CACNA2D3: variants seen among roughly 807,000 people sequenced by gnomAD.
CACNA2D3 encodes the protein calcium voltage-gated channel auxiliary subunit alpha2delta 3, also known as voltage-dependent calcium channel subunit alpha-2/delta-3.
A neutral mutation model predicts 160.6 loss-of-function variants in CACNA2D3; 60 were observed. The observed-to-expected ratio is 0.37, with a 90% CI of 0.30 to 0.46. The LOEUF (loss-of-function observed/expected upper bound fraction) is 0.46, where lower values mean the gene tolerates loss of function less well. Ranked by LOEUF, CACNA2D3 falls within the 20% of genes least tolerant of loss-of-function variation. The pLI is 1.00. For missense variants in CACNA2D3, 1,205 were observed against 1,365.0 expected (o/e 0.88, Z 1.85); for synonymous variants, 558 against 492.9 (o/e 1.13, Z -1.75).
intron 4 of CACNA2D3, among the ~76,000 whole-genome samples, chr3:54,442,650 T>A (rs910771738): frequency 2.6e-5 from 4 of 152,194 alleles, no homozygotes; most frequent in African/African-American, 9.7e-5. Flanking sequence ...GCATCAAATC[T>A]TTAGCTGAAG....
chr3:54,657,396 C>T (rs932225258), intron 11 of CACNA2D3, among the ~76,000 whole-genome samples: 5 of 152,096 alleles, frequency 3.3e-5, no homozygotes, highest in African/African-American at 1.2e-4. Flanking sequence ...AACGTGAGAT[C>T]TAATCTCTTA....
Position 54,571,208 on chromosome 3 carries a change from T to G in CACNA2D3, c.888+1104T>G, listed in dbSNP as rs147681193. On this transcript the variant is annotated intron_variant, in intron 8 of 37. Coordinates refer to ENST00000474759, the MANE Select transcript of CACNA2D3 (RefSeq NM_018398.3). ...GGAATGTCTGGGTTAAGATAAAGGA[T>G]GGTGGAGGCCCGAGTTCTTATTTGT... is the stretch of plus-strand genomic sequence containing the variant. 1.1e-4 allele frequency among the ~76,000 whole-genome samples: 16 copies of G among 152,272 alleles called. No homozygotes were observed. In the East Asian group the frequency reaches 3.1e-3, roughly 29 times the overall value.
intron 27 of CACNA2D3, chr3:54,925,071 T>A (rs1003989677): frequency 6.2e-7 from 1 of 1,614,094 alleles, no homozygotes; most frequent in Non-Finnish European, 8.5e-7. Flanking sequence ...CGTTCGAGTC[T>A]GAGGAGGTAA....
chr3:54,750,367 G>A (rs189307934), intron 11 of CACNA2D3, among the ~76,000 whole-genome samples: 6 of 152,224 alleles, frequency 3.9e-5, no homozygotes, highest in Admixed American at 2.6e-4. Flanking sequence ...AGTTTTTGTC[G>A]GTCTAGTGTT....
chr3:54,667,100 C>G (rs1407309896), intron 11 of CACNA2D3, among the ~76,000 whole-genome samples: 1 of 152,168 alleles, frequency 6.6e-6, no homozygotes, highest in Admixed American at 6.5e-5. Flanking sequence ...AAGATCAGGT[C>G]TTCTCATGTT....
chr3:55,032,099 C>A (rs898577420), intron 35 of CACNA2D3, among the ~76,000 whole-genome samples: 15 of 151,990 alleles, frequency 9.9e-5, no homozygotes, highest in African/African-American at 3.6e-4. Flanking sequence ...TTGTTTTTTC[C>A]ATTTTTTCCA....
chr3:54,663,058 G>A (rs73842229), intron 11 of CACNA2D3, among the ~76,000 whole-genome samples: 3,701 of 152,260 alleles, frequency 0.024, 157 homozygotes, highest in African/African-American at 0.083. Flanking sequence ...AATTATTGAG[G>A]AGAAAGAACA....
intron 5 of CACNA2D3, among the ~76,000 whole-genome samples, chr3:54,554,572 C>A (rs748645277): frequency 4.6e-5 from 7 of 152,114 alleles, no homozygotes; most frequent in Non-Finnish European, 1.0e-4. Context: ...GTATGCAGTC[C>A]TCCCACCACA....
chr3:54,246,406 C>T (rs556863655), intron 2 of CACNA2D3, among the ~76,000 whole-genome samples: 2 of 152,204 alleles, frequency 1.3e-5, no homozygotes, highest in Non-Finnish European at 2.9e-5. Context: ...AAAAGTGGAC[C>T]TGGGGGCCGG....
chr3:54,797,361 C>A (rs755481114), intron 13 of CACNA2D3, among the ~76,000 whole-genome samples: 1 of 152,184 alleles, frequency 6.6e-6, no homozygotes, highest in Non-Finnish European at 1.5e-5. Context: ...GGCATTTGCC[C>A]TTGCTGTGGC....
chr3:54,171,897 A>G (rs978474835), intron 2 of CACNA2D3, among the ~76,000 whole-genome samples: 1 of 152,102 alleles, frequency 6.6e-6, no homozygotes, highest in Non-Finnish European at 1.5e-5. Flanking sequence ...TGCATCTCCA[A>G]CATTCATGCC....
chr3:54,936,793 A>T (rs905445525), intron 27 of CACNA2D3, among the ~76,000 whole-genome samples: 1 of 152,146 alleles, frequency 6.6e-6, no homozygotes, highest in African/African-American at 2.4e-5. Context: ...AAGCATGACT[A>T]TCAGAGTTTT....
intron 10 of CACNA2D3, among the ~76,000 whole-genome samples, chr3:54,628,291 C>T (rs960135689): frequency 3.3e-5 from 5 of 152,170 alleles, no homozygotes; most frequent in African/African-American, 1.2e-4. Flanking sequence ...GATCTATAGG[C>T]ATGGGACGGG....
At position 55,007,819 on chromosome 3, in the gene CACNA2D3, A is replaced by G; in HGVS notation, c.2796A>G (p.Lys932=). ...ATAATGCCTTCCTCTCTGCAGTAAAATGGATCATGACAGAACTTGTCTTGT... is the reference window on the plus strand; with the variant it reads ...ATAATGCCTTCCTCTCTGCAGTAAAGTGGATCATGACAGAACTTGTCTTGT... ...DPYNAFLSAV[K]WIMTELVLFL... Residue 932 remains lysine (K), a synonymous_variant, in exon 33 of 38, where the codon AAA becomes AAG. Transcript: ENST00000474759. 1.3e-6 allele frequency: 2 copies of G among 1,563,394 alleles called. No individual in the cohort carries two copies. The highest frequency in any genetic ancestry group is 1.7e-6 in the Non-Finnish European group (2 of 1,157,452).
At chr3:54,528,148 T>C (rs1701753192) in intron 5 of CACNA2D3, among the ~76,000 whole-genome samples, 2 of 152,160 alleles carry the variant, frequency 1.3e-5, no homozygotes, top group South Asian at 2.1e-4. Context: ...CCAGGAGATG[T>C]TGGTGTGCAG....
chr3:54,173,089 G>A (rs942041058), intron 2 of CACNA2D3, among the ~76,000 whole-genome samples: 4 of 152,210 alleles, frequency 2.6e-5, no homozygotes, highest in African/African-American at 9.6e-5. Flanking sequence ...TAACAGCTCT[G>A]TGACCTGAAA....
At chr3:54,727,121 G>A (rs1280270760) in intron 11 of CACNA2D3, among the ~76,000 whole-genome samples, 1 of 152,166 alleles carries the variant, frequency 6.6e-6, no homozygotes, top group African/African-American at 2.4e-5. Context: ...CTTCTCAAAA[G>A]AAGACATTTA....
intron 2 of CACNA2D3, among the ~76,000 whole-genome samples, chr3:54,199,259 C>T (rs1448722874): frequency 6.6e-6 from 1 of 152,162 alleles, no homozygotes; most frequent in Non-Finnish European, 1.5e-5. Context: ...CCTACCCTGT[C>T]CCTGTGTAGT....
At chr3:54,504,902 A>G (rs1701345503) in intron 5 of CACNA2D3, among the ~76,000 whole-genome samples, 1 of 152,226 alleles carries the variant, frequency 6.6e-6, no homozygotes, top group Non-Finnish European at 1.5e-5. Flanking sequence ...GTAGCCCTTA[A>G]TACAACAGTA....
Sources: gnomAD v4.1 joint callset for allele counts (sites outside exome capture counted in the v4.1 genomes callset) on GRCh38, gnomAD v4.1.1 for gene constraint, MANE v1.5 for transcripts, NCBI Gene and HGNC (gene_info 2026-07-23, HGNC 2026-07-21) for gene names.